DAB1: variants seen among roughly 807,000 people sequenced by gnomAD.
The protein encoded by DAB1 is DAB adaptor protein 1, also known as disabled homolog 1.
A neutral mutation model predicts 64.6 loss-of-function variants in DAB1; 15 were observed. The observed-to-expected ratio is 0.23, with a 90% confidence interval of 0.16 to 0.36. DAB1 has a LOEUF of 0.36. Ranked by LOEUF, DAB1 falls within the 10% of genes least tolerant of loss-of-function variation. The pLI, the probability that DAB1 is intolerant of heterozygous loss-of-function variation, is 1.00. For synonymous variants in DAB1, 235 were observed against 251.9 expected, an observed-to-expected ratio of 0.93 and a Z score of 0.64; for missense variants, 596 against 706.7, an observed-to-expected ratio of 0.84 and a Z score of 1.78.
intron 4 of DAB1, among the ~76,000 whole-genome samples, chr1:58,329,901 C>G (rs116757875): frequency 0.013 from 1,985 of 152,246 alleles, 19 homozygotes; most frequent in Non-Finnish European, 0.02. Context: ...TCCCTATTGC[C>G]TGAGACATGC....
intron 1 of DAB1, among the ~76,000 whole-genome samples, chr1:57,366,855 C>T (rs1337081697): frequency 6.6e-6 from 1 of 151,820 alleles, no homozygotes; most frequent in East Asian, 1.9e-4. Flanking sequence ...CCATGCTGTT[C>T]TGAATATCTC....
chr1:58,490,628 G>C (rs1645664384), intron 3 of DAB1, among the ~76,000 whole-genome samples: 1 of 151,472 alleles, frequency 6.6e-6, no homozygotes. Flanking sequence ...GCAACTCCAA[G>C]ACACATAATT....
intron 3 of DAB1, among the ~76,000 whole-genome samples, chr1:58,357,492 G>A (rs1644123037): frequency 6.6e-6 from 1 of 152,172 alleles, no homozygotes; most frequent in Admixed American, 6.6e-5. Context: ...ACTTCCAAAA[G>A]AGAAAGTCCA....
chr1:58,103,360 G>A (rs1313563925), intron 5 of DAB1, among the ~76,000 whole-genome samples: 1 of 152,122 alleles, frequency 6.6e-6, no homozygotes, highest in African/African-American at 2.4e-5. Flanking sequence ...GGTGTAAACA[G>A]TCTAGGTTTT....
intron 4 of DAB1, among the ~76,000 whole-genome samples, chr1:58,226,299 G>C (rs1659478491): frequency 6.6e-6 from 1 of 151,954 alleles, no homozygotes; most frequent in South Asian, 2.1e-4. Context: ...ATCCTTTGTA[G>C]CACACTTTTT....
downstream of DAB1, among the ~76,000 whole-genome samples, chr1:57,825,902 G>T (rs1450333811): frequency 6.6e-6 from 1 of 152,068 alleles, no homozygotes; most frequent in African/African-American, 2.4e-5. Context: ...GATCTCCTGG[G>T]TCTCATTCCG....
At chr1:57,824,434 GGTGTGATTTAGAGAAATAGGGT>G (rs1393901451), downstream of DAB1, among the ~76,000 whole-genome samples, 1 of 151,952 alleles carries the variant, frequency 6.6e-6, no homozygotes, top group Non-Finnish European at 1.5e-5. Flanking sequence ...CTTCTTCCAG[GGTGTGATTTAGAGAAATAGGGT>G]TACCTATTTC....
At chr1:58,112,146 C>A in intron 5 of DAB1, among the ~76,000 whole-genome samples, 1 of 152,194 alleles carries the variant, frequency 6.6e-6, no homozygotes, top group East Asian at 1.9e-4. Flanking sequence ...GGCATCATCT[C>A]CTTAAGAAGC....
intron 5 of DAB1, among the ~76,000 whole-genome samples, chr1:57,896,174 C>T (rs1323442138): frequency 6.6e-6 from 1 of 152,146 alleles, no homozygotes; most frequent in Admixed American, 6.5e-5. Context: ...TTATGTCACA[C>T]AACCCTTCCG....
intron 5 of DAB1, among the ~76,000 whole-genome samples, chr1:58,061,353 A>C (rs1004839915): frequency 6.6e-6 from 1 of 152,176 alleles, no homozygotes; most frequent in African/African-American, 2.4e-5. Context: ...TCCAAGATCA[A>C]GGTGTTGGCA....
intron 5 of DAB1, among the ~76,000 whole-genome samples, chr1:57,922,822 G>A (rs1416063075): frequency 1.6e-5 from 2 of 125,762 alleles, no homozygotes; most frequent in Admixed American, 1.6e-4. Context: ...CTCCAGCCTG[G>A]GTGACAAAGC....
chr1:57,001,052 C>A (rs1645842894), intron 14 of DAB1, among the ~76,000 whole-genome samples: 1 of 151,954 alleles, frequency 6.6e-6, no homozygotes, highest in African/African-American at 2.4e-5. Context: ...TGTGGAAAAC[C>A]CCCAGCAGCA....
intron 4 of DAB1, among the ~76,000 whole-genome samples, chr1:58,251,879 T>A (rs936456046): frequency 2.6e-5 from 4 of 151,912 alleles, no homozygotes; most frequent in African/African-American, 9.7e-5. Context: ...CCAATCAGAG[T>A]GTCCCACAGT....
intron 2 of DAB1, among the ~76,000 whole-genome samples, chr1:57,278,661 A>C (rs893889355): frequency 3.9e-5 from 6 of 152,194 alleles, no homozygotes; most frequent in Non-Finnish European, 7.3e-5. Flanking sequence ...CAGGCCAAAA[A>C]GAGAGAGGGG....
At chr1:57,017,944 T>C (rs1646488265) in intron 11 of DAB1, among the ~76,000 whole-genome samples, 1 of 152,006 alleles carries the variant, frequency 6.6e-6, no homozygotes, top group Admixed American at 6.5e-5. Flanking sequence ...ATTTGTGGGG[T>C]GTGTTTCGGT....
chr1:58,187,137 G>A (rs1343434471), intron 4 of DAB1, among the ~76,000 whole-genome samples: 1 of 152,094 alleles, frequency 6.6e-6, no homozygotes, highest in Non-Finnish European at 1.5e-5. Context: ...AACATAGTCA[G>A]TGATGGTGAT....
chr1:57,122,894 T>C (rs551033425), intron 4 of DAB1, among the ~76,000 whole-genome samples: 1 of 152,280 alleles, frequency 6.6e-6, no homozygotes, highest in African/African-American at 2.4e-5. Flanking sequence ...AACTTTAATG[T>C]GCATTCTCTC....
intron 6 of DAB1, among the ~76,000 whole-genome samples, chr1:57,813,202 T>A (rs1410265063): frequency 6.6e-6 from 1 of 152,148 alleles, no homozygotes; most frequent in Non-Finnish European, 1.5e-5. Flanking sequence ...TATGTTCAGG[T>A]GAAATATGAA....
At chr1:58,489,358 C>G (rs572242190) in intron 3 of DAB1, among the ~76,000 whole-genome samples, 38 of 152,356 alleles carry the variant, frequency 2.5e-4, no homozygotes, top group African/African-American at 8.9e-4. Flanking sequence ...GCACAGCAGT[C>G]TGAGATCAAA....
Sources: gnomAD v4.1 joint callset for allele counts (sites outside exome capture counted in the v4.1 genomes callset) on GRCh38, gnomAD v4.1.1 for gene constraint, MANE v1.5 for transcripts, NCBI Gene and HGNC (gene_info 2026-07-23, HGNC 2026-07-21) for gene names.